Variants in DZANK1 observed in about 807,000 individuals in gnomAD.
DZANK1 encodes double zinc ribbon and ankyrin repeat domains 1.
Under a neutral mutation model 94.5 loss-of-function variants are expected in DZANK1, and 91 were observed. The observed-to-expected ratio is 0.96, with a 90% CI of 0.81 to 1.15. DZANK1 has a LOEUF of 1.15. Ranked by LOEUF, DZANK1 falls within the 50% of genes most tolerant of loss-of-function variation. The probability of loss-of-function intolerance (pLI) is 0.00; values close to 1 mark genes in which losing one functional copy is unlikely to be tolerated. For synonymous variants in DZANK1, 312 were observed against 325.3 expected (o/e 0.96, Z 0.44); for missense variants, 903 against 916.4 (o/e 0.99, Z 0.19).
At chr20:18,449,604 A>C (rs1456303880) in intron 6 of DZANK1, among the ~76,000 whole-genome samples, 1 of 151,626 alleles carries the variant, frequency 6.6e-6, no homozygotes, top group Non-Finnish European at 1.5e-5. Flanking sequence ...AAATACAAAA[A>C]AAAATTAGCT....
intron 19 of DZANK1, 29 bp downstream of exon 19, chr20:18,389,672 T>C (rs1287490873): frequency 2.5e-6 from 4 of 1,612,560 alleles, no homozygotes; most frequent in Non-Finnish European, 2.5e-6. Context: ...GCTGCTACCT[T>C]AGCTCTCCTT....
intron 17 of DZANK1, among the ~76,000 whole-genome samples, chr20:18,392,072 C>T (rs2148193076): frequency 6.6e-6 from 1 of 152,268 alleles, no homozygotes; most frequent in South Asian, 2.1e-4. Context: ...AAAATAATCA[C>T]TGAATGAGTG....
intron 13 of DZANK1, among the ~76,000 whole-genome samples, chr20:18,406,350 T>C (rs1205211685): frequency 7.2e-5 from 11 of 152,234 alleles, no homozygotes; most frequent in Admixed American, 6.5e-4. Flanking sequence ...GTATCTTGGA[T>C]ACCAGCTCAG....
intron 8 of DZANK1, among the ~76,000 whole-genome samples, chr20:18,437,684 GA>G (rs2058574813): frequency 6.6e-6 from 1 of 152,090 alleles, no homozygotes; most frequent in Non-Finnish European, 1.5e-5. Context: ...AATGGACTGT[GA>G]TATACCCCAT....
chr20:18,461,788 C>T (rs573415574), intron 2 of DZANK1, among the ~76,000 whole-genome samples: 1 of 152,092 alleles, frequency 6.6e-6, no homozygotes, highest in Admixed American at 6.6e-5. Context: ...TTAGTAGAGA[C>T]GGGGTTTTGC....
chr20:18,390,313 A>C, intron 18 of DZANK1, 66 bp downstream of exon 18: 1 of 1,469,736 alleles, frequency 6.8e-7, no homozygotes. Flanking sequence ...CTTTCATCTG[A>C]AGGAGACAGA....
intron 13 of DZANK1, among the ~76,000 whole-genome samples, chr20:18,408,536 C>T (rs572002510): frequency 6.6e-6 from 1 of 152,218 alleles, no homozygotes; most frequent in Admixed American, 6.5e-5. Flanking sequence ...AAATAACATC[C>T]AATGGACCTC....
intron 13 of DZANK1, among the ~76,000 whole-genome samples, chr20:18,399,847 T>A (rs2056576425): frequency 1.3e-5 from 2 of 152,188 alleles, no homozygotes; most frequent in Non-Finnish European, 1.5e-5. Context: ...CCACAGCCCC[T>A]GCTGTGCCCT....
At position 18,400,582 on chromosome 20, in the gene DZANK1, C is replaced by T. The variant is rs142425553; in HGVS notation, c.1433-1956G>A. 2.5e-3 allele frequency among the ~76,000 whole-genome samples: 386 copies of T among 152,310 alleles called. 2 individuals are homozygous for T. The highest frequency in any genetic ancestry group is 3.9e-3 in the Non-Finnish European group (262 of 68,030). Reference sequence around the variant, plus strand: ...AGAGAATGGGGCACATTTGATGAGGCATGCTAGCAATGATGGGTGAAACCA... The same window carrying T: ...AGAGAATGGGGCACATTTGATGAGGTATGCTAGCAATGATGGGTGAAACCA... On this transcript the variant is annotated intron_variant, in intron 13 of 20. Coordinates refer to ENST00000262547, the Ensembl canonical transcript of DZANK1.
chr20:18,462,837 C>T (rs900516912), intron 2 of DZANK1, among the ~76,000 whole-genome samples: 2 of 150,736 alleles, frequency 1.3e-5, no homozygotes, highest in Non-Finnish European at 2.9e-5. Flanking sequence ...ACTCCGAAGA[C>T]TGAGGCATGA....
At chr20:18,453,738 C>T (rs2059187192) in exon 5 of DZANK1, 3 of 1,609,630 alleles carry the variant, frequency 1.9e-6, no homozygotes, top group Non-Finnish European at 2.5e-6. Context: ...TACCTGGAAA[C>T]TTTCTAAGGT....
intron 15 of DZANK1, among the ~76,000 whole-genome samples, chr20:18,395,315 T>C (rs1398231478): frequency 1.3e-5 from 2 of 152,184 alleles, no homozygotes; most frequent in East Asian, 3.9e-4. Flanking sequence ...TGAGCCAAGA[T>C]TGTGCTACTG....
chr20:18,465,909 T>C (rs1373967942), intron 1 of DZANK1, among the ~76,000 whole-genome samples: 2 of 152,200 alleles, frequency 1.3e-5, no homozygotes, highest in Non-Finnish European at 2.9e-5. Flanking sequence ...CAAAGACACT[T>C]TAGAAGGACT....
At chr20:18,433,891 A>T (rs2148622552) in intron 8 of DZANK1, 126 bp from the exon 9 acceptor site, 2 of 777,474 alleles carry the variant, frequency 2.6e-6, no homozygotes, top group East Asian at 5.5e-5. Context: ...TGATCTCAAA[A>T]CCTAGGCAGG....
At chr20:18,417,024 C>CAAAAAAA (rs758353663) in intron 10 of DZANK1, among the ~76,000 whole-genome samples, 2 of 52,914 alleles carry the variant, frequency 3.8e-5, no homozygotes, top group Non-Finnish European at 1.0e-4. Context: ...ATCAAAAAAA[C>CAAAAAAA]AAAAAAAAAC....
At chr20:18,455,807 C>CCT (rs1380578843) in intron 3 of DZANK1, among the ~76,000 whole-genome samples, 4 of 152,126 alleles carry the variant, frequency 2.6e-5, no homozygotes, top group Non-Finnish European at 5.9e-5. Context: ...TCTGTCCCTC[C>CCT]CTCTCTCTCT....
At chr20:18,383,643 T>C (rs1327339991) in exon 21 of DZANK1, 2 of 152,180 alleles carry the variant, frequency 1.3e-5, no homozygotes, top group African/African-American at 4.8e-5. Context: ...GTACATGTGC[T>C]TATACCACAT....
At chr20:18,398,614 C>T in exon 14 of DZANK1, 1 of 1,614,010 alleles carries the variant, frequency 6.2e-7, no homozygotes, top group Non-Finnish European at 8.5e-7. Flanking sequence ...ATCCAGCTGT[C>T]TTCTCCAGTA....
At chr20:18,458,633 C>T (rs2059368947) in intron 3 of DZANK1, among the ~76,000 whole-genome samples, 1 of 152,196 alleles carries the variant, frequency 6.6e-6, no homozygotes, top group Non-Finnish European at 1.5e-5. Flanking sequence ...TCACCTTTGG[C>T]CCCAGGCCTG....
Sources: gnomAD v4.1 joint callset for allele counts (sites outside exome capture counted in the v4.1 genomes callset) on GRCh38, gnomAD v4.1.1 for gene constraint, MANE v1.5 for transcripts, NCBI Gene and HGNC (gene_info 2026-07-23, HGNC 2026-07-21) for gene names.